APOC2: variants seen among roughly 807,000 people sequenced by gnomAD.
The protein encoded by APOC2 is apolipoprotein C2.
In APOC2, 6 loss-of-function variants were observed where a neutral mutation model predicts 10.2. The observed-to-expected ratio is 0.59, with a 90% CI of 0.32 to 1.16. The LOEUF is 1.16. APOC2 is among the 50% of genes most tolerant of loss of function. The pLI, the probability that APOC2 is intolerant of heterozygous loss-of-function variation, is 0.05. For synonymous variants in APOC2, 56 were observed against 48.5 expected (o/e 1.15, Z -0.64); for missense variants, 110 against 117.6 (o/e 0.94, Z 0.30).
chr19:44,946,442 A>C (rs764801813), intron 1 of APOC2, among the ~76,000 whole-genome samples: 1 of 152,118 alleles, frequency 6.6e-6, no homozygotes, highest in Non-Finnish European at 1.5e-5. Flanking sequence ...GGATCCCTTG[A>C]GCCCAGGAGT....
chr19:44,947,144 C>T (rs1970330764), intron 1 of APOC2: 1 of 123,096 alleles, frequency 8.1e-6, no homozygotes, highest in Admixed American at 8.7e-5. Flanking sequence ...AGAACAAGAC[C>T]TTGTCTTGGA....
chr19:44,948,612 A>ACCTCTG, intron 2 of APOC2, 79 bp downstream of exon 2: 1 of 1,603,500 alleles, frequency 6.2e-7, no homozygotes, highest in Middle Eastern at 1.7e-4. Context: ...GGCCCTTCTT[A>ACCTCTG]CCTCTGCCTC....
intron 1 of APOC2, among the ~76,000 whole-genome samples, chr19:44,946,649 G>T (rs1036441478): frequency 6.6e-6 from 1 of 151,784 alleles, no homozygotes; most frequent in African/African-American, 2.4e-5. Context: ...TGGTGAAACC[G>T]CATCTATACT....
intron 1 of APOC2, among the ~76,000 whole-genome samples, chr19:44,947,994 T>C (rs753768173): frequency 7.4e-4 from 112 of 152,036 alleles, no homozygotes; most frequent in Non-Finnish European, 1.2e-3. Flanking sequence ...GCTAGAACCC[T>C]GGAGGCAGAG....
In APOC2 at chr19:44,949,463, C is replaced by G; in HGVS notation, c.*214C>G. The G allele has an allele frequency of 1.7e-6, 1 of 596,586 alleles. No homozygotes were observed. Among genetic ancestry groups the G allele is most frequent in the Non-Finnish European group, 3.0e-6 (1 of 331,964 alleles). 37.0% of individuals were successfully genotyped at this position (596,586 alleles called of 1,614,324 possible). The stretch of plus-strand genomic sequence containing the variant: ...GCCAAGATGGAGGGGCTGACTCAGT[C>G]CAGCCAACATTTAATGAGCACCTAC... On this transcript the variant is annotated 3_prime_UTR_variant, in exon 4 of 4. Transcript: ENST00000252490.
rs533467250 is a variant in APOC2, at chr19:44,949,187, A to G, written c.244A>G (p.Met82Val). 1.4e-5 allele frequency: 22 copies of G among 1,613,946 alleles called. No homozygotes were observed. The South Asian group carries it at 2.2e-4, about 16-fold the overall frequency. The change falls in exon 4 of 4, where the codon ATG (methionine) becomes GTG (valine). Residue 82 changes from methionine to valine, a missense_variant. Coordinates refer to ENST00000252490, the MANE Select transcript of APOC2 (RefSeq NM_000483.5). ...RDLYSKSTAA[M>V]STYTGIFTDQ... ...CTTGTACAGCAAAAGCACAGCAGCC[A>G]TGAGCACTTACACAGGCATTTTTAC...
chr19:44,948,913 C>T lies in APOC2; in HGVS notation c.215+53C>T, dbSNP rs1426755030. 3.1e-6 allele frequency: 5 copies of T among 1,604,512 alleles called. No individual in the cohort carries two copies. The African/African-American group carries it at 4.0e-5, about 13-fold the overall frequency. ...TCTGGCCCATACCACCGACTGCATC[C>T]AGGACCCAGAAGTTCAGGCCCCAGC... On this transcript the variant is annotated intron_variant, in intron 3 of 3. Transcript: ENST00000252490.
In APOC2 at chr19:44,948,488, C is replaced by A. The variant is rs202190413; in HGVS notation, c.10C>A (p.Arg4=). The A allele has an allele frequency of 2.5e-6, 4 of 1,614,010 alleles. No individual in the cohort carries two copies. The Admixed American group carries it at 6.7e-5, about 27-fold the overall frequency. Residue 4 remains arginine, a synonymous_variant, in exon 2 of 4, where the codon CGA becomes AGA. Transcript: ENST00000252490. Reference sequence around the variant, plus strand: ...CAGGTCTCTGGACACTATGGGCACACGACTCCTCCCAGCTCTGTTTCTTGT... The same window carrying A: ...CAGGTCTCTGGACACTATGGGCACAAGACTCCTCCCAGCTCTGTTTCTTGT... MGT[R]LLPALFLVLL...
intron 1 of APOC2, among the ~76,000 whole-genome samples, 159 bp downstream of exon 1, chr19:44,946,234 T>TGAGA (rs1555793404): frequency 1.8e-3 from 244 of 132,888 alleles, no homozygotes; most frequent in African/African-American, 6.1e-3. Context: ...TGTGTGTGTG[T>TGAGA]GAGAGAGAGA....
rs1323486171 is a variant in APOC2 at position 44,948,606 on chromosome 19, C to T, written c.55+73C>T. On this transcript the variant is annotated intron_variant, in intron 2 of 3. Coordinates refer to ENST00000252490, the MANE Select transcript of APOC2 (RefSeq NM_000483.5). ...TCCAAGCATCTTCCCAGCCCAGGCC[C>T]TTCTTACCTCTGCCTCTGCCCTCTC... 15 of 1,604,262 alleles carry T rather than the reference C, an allele frequency of 9.4e-6. No homozygotes were observed. The East Asian group carries it at 3.3e-4, about 36-fold the overall frequency.
chr19:44,946,234 TGAGAGA>T (rs1555793404), intron 1 of APOC2, among the ~76,000 whole-genome samples, 159 bp downstream of exon 1: 2 of 132,836 alleles, frequency 1.5e-5, no homozygotes, highest in Non-Finnish European at 3.2e-5. Flanking sequence ...TGTGTGTGTG[TGAGAGA>T]GAGAGAGAGG....
At chr19:44,948,281 A>T (rs1970343900) in intron 1 of APOC2, 185 bp from the exon 2 acceptor site, 1 of 621,622 alleles carries the variant, frequency 1.6e-6, no homozygotes, top group African/African-American at 1.9e-5. Context: ...CAGGAGTAGA[A>T]TCACAGAATG....
At chr19:44,948,187 G>C (rs985705534) in intron 1 of APOC2, 2 of 331,820 alleles carry the variant, frequency 6.0e-6, no homozygotes, top group Non-Finnish European at 1.2e-5. Flanking sequence ...AGTGAGCCAA[G>C]ATTGCACCAC....
chr19:44,949,273 C>T lies in APOC2; in HGVS notation c.*24C>T, dbSNP rs780350789. On this transcript the variant is annotated 3_prime_UTR_variant, in exon 4 of 4. Transcript: ENST00000252490. Reference sequence around the variant, plus strand: ...AACAGCCAGACCCCCCATCAGTGGACAAGGGGAGAGTCCCCTACTCCCCTG... The same window carrying T: ...AACAGCCAGACCCCCCATCAGTGGATAAGGGGAGAGTCCCCTACTCCCCTG... 5.1e-5 allele frequency: 82 copies of T among 1,601,198 alleles called. No homozygotes were observed. The South Asian group carries it at 8.6e-4, about 17-fold the overall frequency.
intron 1 of APOC2, among the ~76,000 whole-genome samples, 159 bp downstream of exon 1, chr19:44,946,234 T>TGTGTGTGTGAGA (rs1236986911): frequency 9.3e-4 from 124 of 132,892 alleles, no homozygotes; most frequent in African/African-American, 3.1e-3. Context: ...TGTGTGTGTG[T>TGTGTGTGTGAGA]GAGAGAGAGA....
In APOC2 at chr19:44,949,434, A is replaced by T. The variant is rs909914906; in HGVS notation, c.*185A>T. The T allele has an allele frequency of 4.8e-6, 3 of 621,774 alleles. No homozygotes were observed. The highest frequency in any genetic ancestry group is 8.7e-6 in the Non-Finnish European group (3 of 346,724). 38.5% of individuals were successfully genotyped at this position (621,774 alleles called of 1,614,324 possible). ...GATGGCACTGCTTTTCTGAGGACTCAAGGGCCAAGATGGAGGGGCTGACTC... is the reference window on the plus strand; with the variant it reads ...GATGGCACTGCTTTTCTGAGGACTCTAGGGCCAAGATGGAGGGGCTGACTC... On this transcript the variant is annotated 3_prime_UTR_variant, in exon 4 of 4. Coordinates refer to ENST00000252490, the MANE Select transcript of APOC2 (RefSeq NM_000483.5).
chr19:44,946,234 T>TGTGTGTGTGTGTGTGAGA (rs1236986911), intron 1 of APOC2, among the ~76,000 whole-genome samples, 159 bp downstream of exon 1: 44 of 132,822 alleles, frequency 3.3e-4, no homozygotes, highest in African/African-American at 1.3e-3. Flanking sequence ...TGTGTGTGTG[T>TGTGTGTGTGTGTGTGAGA]GAGAGAGAGA....
chr19:44,948,556 G>C, intron 2 of APOC2, 23 bp downstream of exon 2: 1 of 1,612,896 alleles, frequency 6.2e-7, no homozygotes. Context: ...TTCCGGGGAG[G>C]GAAGCCTTGG....
Position 44,948,482 on chromosome 19 carries a change from G to C in APOC2, c.4G>C (p.Gly2Arg). M[G>R]TRLLPALFLV... is the part of the protein sequence containing the mutation. ...ATGTTCCAGGTCTCTGGACACTATGGGCACACGACTCCTCCCAGCTCTGTT... is the reference window on the plus strand; with the variant it reads ...ATGTTCCAGGTCTCTGGACACTATGCGCACACGACTCCTCCCAGCTCTGTT... The change falls in exon 2 of 4, where the codon GGC becomes CGC. Residue 2 changes from glycine to arginine, a missense_variant. Gly to Arg is a moderately radical substitution (Grantham distance 125). Transcript: ENST00000252490. 6.2e-7 allele frequency: 1 copy of C among 1,613,988 alleles called. No individual in the cohort carries two copies. Among genetic ancestry groups the C allele is most frequent in the Non-Finnish European group, 8.5e-7 (1 of 1,179,980 alleles).
Sources: gnomAD v4.1 joint callset for allele counts (sites outside exome capture counted in the v4.1 genomes callset) on GRCh38, gnomAD v4.1.1 for gene constraint, MANE v1.5 for transcripts, NCBI Gene and HGNC (gene_info 2026-07-23, HGNC 2026-07-21) for gene names.